The following ADGRL2 variants were observed in gnomAD, a reference collection of about 807,000 sequenced individuals.
ADGRL2 encodes calcium-independent alpha-latrotoxin receptor 2.
ADGRL2 carries 44 observed loss-of-function variants against 157.4 expected under a neutral mutation model. The observed-to-expected ratio is 0.28, with a 90% CI of 0.22 to 0.36. The LOEUF (loss-of-function observed/expected upper bound fraction) is 0.36, where lower values mean the gene tolerates loss of function less well. Among genes scored for constraint, ADGRL2 ranks in the 10% least tolerant of loss-of-function variants. The probability of loss-of-function intolerance (pLI) is 1.00; values close to 1 mark genes in which losing one functional copy is unlikely to be tolerated. For missense variants in ADGRL2, 1,510 were observed against 1,768.9 expected, an observed-to-expected ratio of 0.85 and a Z score of 2.63; for synonymous variants, 585 against 624.7, an observed-to-expected ratio of 0.94 and a Z score of 0.95.
intron 2 of ADGRL2, among the ~76,000 whole-genome samples, chr1:81,790,925 C>T (rs1342867771): frequency 2.6e-5 from 4 of 151,720 alleles, no homozygotes; most frequent in Non-Finnish European, 5.9e-5. Flanking sequence ...CTAACCCAGC[C>T]TGGTGGCACA....
intron 3 of ADGRL2, among the ~76,000 whole-genome samples, chr1:81,684,309 T>G (rs960504308): frequency 6.6e-6 from 1 of 152,332 alleles, no homozygotes; most frequent in East Asian, 1.9e-4. Context: ...TTTTTTAATT[T>G]TTTTATTATG....
At chr1:81,343,478 G>A (rs1282602505) in intron 1 of ADGRL2, among the ~76,000 whole-genome samples, 1 of 152,126 alleles carries the variant, frequency 6.6e-6, no homozygotes, top group Admixed American at 6.5e-5. Flanking sequence ...GATTAGCACA[G>A]AATTCAGAAC....
intron 23 of ADGRL2, chr1:81,988,567 T>A (rs995272876): frequency 6.6e-6 from 1 of 152,112 alleles, no homozygotes; most frequent in African/African-American, 2.4e-5. Flanking sequence ...CAAATAACTA[T>A]CACAATTTCA....
chr1:81,547,061 A>G (rs1448128179), intron 2 of ADGRL2, among the ~76,000 whole-genome samples: 1 of 152,156 alleles, frequency 6.6e-6, no homozygotes, highest in African/African-American at 2.4e-5. Flanking sequence ...CTGGATCTTT[A>G]TCTACCGTGA....
intron 2 of ADGRL2, among the ~76,000 whole-genome samples, chr1:81,536,813 G>A (rs944209912): frequency 2.6e-5 from 4 of 152,154 alleles, no homozygotes; most frequent in African/African-American, 9.7e-5. Flanking sequence ...CATCATTCAG[G>A]AATATAATCA....
intron 1 of ADGRL2, among the ~76,000 whole-genome samples, chr1:81,348,658 A>G (rs1662656043): frequency 6.6e-6 from 1 of 152,160 alleles, no homozygotes; most frequent in Non-Finnish European, 1.5e-5. Context: ...ACCAACAACA[A>G]CAAAGAAAGG....
At chr1:81,855,027 C>T (rs891496343) in intron 2 of ADGRL2, among the ~76,000 whole-genome samples, 2 of 152,090 alleles carry the variant, frequency 1.3e-5, no homozygotes, top group Non-Finnish European at 2.9e-5. Context: ...ATGGGGTTGA[C>T]TATTGAAAGC....
chr1:81,512,638 G>T (rs1192974635), intron 2 of ADGRL2, among the ~76,000 whole-genome samples: 2 of 152,164 alleles, frequency 1.3e-5, no homozygotes, highest in African/African-American at 4.8e-5. Flanking sequence ...ATTTTTCTAA[G>T]CAAAATGCCA....
In ADGRL2 at chr1:81,490,128, TTC is replaced by T. The variant is rs1278986428; in HGVS notation, c.-248+45041_-248+45042del. 2.2e-3 allele frequency among the ~76,000 whole-genome samples: 322 copies of T among 145,480 alleles called. 1 individual carries two copies. The highest frequency in any genetic ancestry group is 8.0e-3 in the African/African-American group (302 of 37,914). Reference sequence around the variant, plus strand: ...TACATGATTTGAGCGACTTAACATATTCTTTTTTTTTTTTTTTTTCGAGACAG... The same window carrying T: ...TACATGATTTGAGCGACTTAACATATTTTTTTTTTTTTTTTTTCGAGACAG... On this transcript the variant is annotated intron_variant, in intron 2 of 24. Transcript: ENST00000370721.
chr1:81,695,086 T>TA (rs1372945686), upstream of ADGRL2, among the ~76,000 whole-genome samples: 1 of 152,124 alleles, frequency 6.6e-6, no homozygotes, highest in Non-Finnish European at 1.5e-5. Flanking sequence ...TGGTTATTCC[T>TA]ATAAAATTCA....
intron 3 of ADGRL2, among the ~76,000 whole-genome samples, chr1:81,628,058 G>C (rs1308319899): frequency 6.6e-6 from 1 of 152,052 alleles, no homozygotes; most frequent in Admixed American, 6.6e-5. Flanking sequence ...TCACCTTCAG[G>C]TCCTGCATCA....
At chr1:81,669,455 C>A (rs181497794) in intron 3 of ADGRL2, among the ~76,000 whole-genome samples, 1 of 143,222 alleles carries the variant, frequency 7.0e-6, no homozygotes, top group Non-Finnish European at 1.5e-5. Context: ...ATTTAGGCTA[C>A]TAAATGTGCA....
intron 3 of ADGRL2, among the ~76,000 whole-genome samples, chr1:81,678,806 G>A (rs996305184): frequency 2.6e-5 from 4 of 151,996 alleles, no homozygotes; most frequent in Non-Finnish European, 5.9e-5. Context: ...TTCTTTTGTC[G>A]GGAAAATAAG....
chr1:81,910,232 C>A (rs185730253), intron 3 of ADGRL2, among the ~76,000 whole-genome samples: 2 of 107,002 alleles, frequency 1.9e-5, no homozygotes, highest in East Asian at 1.3e-3. Context: ...GAGTGAGACT[C>A]TGCCTAAAAA....
intron 1 of ADGRL2, among the ~76,000 whole-genome samples, chr1:81,318,998 A>G (rs1275814489): frequency 8.3e-6 from 1 of 120,762 alleles, no homozygotes; most frequent in Non-Finnish European, 1.6e-5. Flanking sequence ...CTGGAGTGCA[A>G]TGGAGCGATC....
intron 3 of ADGRL2, among the ~76,000 whole-genome samples, chr1:81,930,860 G>A (rs1007577139): frequency 2.0e-5 from 3 of 152,074 alleles, no homozygotes; most frequent in Admixed American, 6.6e-5. Context: ...GGCCAGACAC[G>A]GTGGCTCATG....
chr1:81,340,674 C>T (rs1398422456), intron 1 of ADGRL2, among the ~76,000 whole-genome samples: 4 of 151,942 alleles, frequency 2.6e-5, no homozygotes, highest in Non-Finnish European at 5.9e-5. Context: ...CAAATTAAAT[C>T]GATGGTGCTG....
At chr1:81,490,830 G>A (rs2078616326) in intron 2 of ADGRL2, among the ~76,000 whole-genome samples, 2 of 152,292 alleles carry the variant, frequency 1.3e-5, no homozygotes, top group South Asian at 2.1e-4. Context: ...TAAAAGGCAT[G>A]CACAAGAATG....
intron 17 of ADGRL2, among the ~76,000 whole-genome samples, chr1:81,977,778 T>A (rs1414142063): frequency 1.3e-5 from 2 of 151,688 alleles, no homozygotes; most frequent in African/African-American, 4.8e-5. Flanking sequence ...TATGGTCCTG[T>A]ACACTTCAGG....
Sources: gnomAD v4.1 joint callset for allele counts (sites outside exome capture counted in the v4.1 genomes callset) on GRCh38, gnomAD v4.1.1 for gene constraint, MANE v1.5 for transcripts, NCBI Gene and HGNC (gene_info 2026-07-23, HGNC 2026-07-21) for gene names.